Variants in ROBO2 observed in about 807,000 individuals in gnomAD.
The protein encoded by ROBO2 is roundabout guidance receptor 2.
Under a neutral mutation model 160.8 loss-of-function variants are expected in ROBO2, and 53 were observed. That is an observed-to-expected ratio of 0.33 (90% CI 0.26 to 0.41). The LOEUF (loss-of-function observed/expected upper bound fraction) is 0.41. Ranked by LOEUF, ROBO2 falls within the 10% of genes least tolerant of loss-of-function variation. The probability of loss-of-function intolerance (pLI) is 1.00; values close to 1 mark genes in which losing one functional copy is unlikely to be tolerated. For missense variants in ROBO2, 1,577 were observed against 1,722.4 expected (o/e 0.92, Z 1.49); for synonymous variants, 664 against 611.7 (o/e 1.09, Z -1.26).
intron 2 of ROBO2, among the ~76,000 whole-genome samples, chr3:77,291,220 A>T (rs1224515627): frequency 6.6e-6 from 1 of 151,846 alleles, no homozygotes; most frequent in Non-Finnish European, 1.5e-5. Flanking sequence ...AGCTGAGGCT[A>T]GAGCACTAAA....
intron 2 of ROBO2, among the ~76,000 whole-genome samples, chr3:77,389,515 A>G (rs1205978563): frequency 1.3e-5 from 2 of 152,156 alleles, no homozygotes; most frequent in Non-Finnish European, 2.9e-5. Flanking sequence ...TAACCAGGAA[A>G]GTCAGCAGTA....
intron 2 of ROBO2, among the ~76,000 whole-genome samples, chr3:76,750,288 G>C (rs1271471255): frequency 1.3e-5 from 2 of 151,962 alleles, no homozygotes; most frequent in Non-Finnish European, 2.9e-5. Context: ...GTATTGATGG[G>C]ACGTATCTCA....
intron 2 of ROBO2, among the ~76,000 whole-genome samples, chr3:76,262,205 C>A (rs575986064): frequency 6.6e-6 from 1 of 151,886 alleles, no homozygotes; most frequent in Admixed American, 6.6e-5. Flanking sequence ...AAGCTAAATC[C>A]AGAACATTTA....
intron 2 of ROBO2, among the ~76,000 whole-genome samples, chr3:76,631,084 C>G (rs2090001537): frequency 1.3e-5 from 2 of 152,014 alleles, no homozygotes; most frequent in Non-Finnish European, 2.9e-5. Context: ...ATCTAAACCT[C>G]TTTTATTTCC....
intron 2 of ROBO2, among the ~76,000 whole-genome samples, chr3:76,255,394 A>G (rs1160924541): frequency 1.3e-5 from 2 of 152,030 alleles, no homozygotes; most frequent in African/African-American, 2.4e-5. Context: ...TGAATCCCCC[A>G]TTGTCCATAA....
At chr3:76,873,589 G>A (rs1017924926) in intron 2 of ROBO2, among the ~76,000 whole-genome samples, 1 of 151,838 alleles carries the variant, frequency 6.6e-6, no homozygotes, top group African/African-American at 2.4e-5. Context: ...CGTCGTCGTC[G>A]TTGTCGTCGT....
intron 2 of ROBO2, among the ~76,000 whole-genome samples, chr3:77,463,039 T>C (rs2082401422): frequency 6.6e-6 from 1 of 152,188 alleles, no homozygotes; most frequent in African/African-American, 2.4e-5. Flanking sequence ...GGTTTTTGAG[T>C]TAGGTATGGT....
At chr3:76,251,977 G>C (rs1485127504) in intron 2 of ROBO2, among the ~76,000 whole-genome samples, 1 of 152,040 alleles carries the variant, frequency 6.6e-6, no homozygotes, top group African/African-American at 2.4e-5. Context: ...ATGATATGTT[G>C]TTGCTAATGA....
chr3:76,112,130 A>G (rs568690492), intron 2 of ROBO2, among the ~76,000 whole-genome samples: 14 of 152,220 alleles, frequency 9.2e-5, no homozygotes, highest in African/African-American at 3.4e-4. Flanking sequence ...TGCTTCCCTT[A>G]TTCATCACAG....
intron 1 of ROBO2, among the ~76,000 whole-genome samples, chr3:75,922,619 C>T (rs13073269): frequency 6.6e-6 from 1 of 151,762 alleles, no homozygotes; most frequent in African/African-American, 2.4e-5. Flanking sequence ...TATTAGATTC[C>T]CTATTGTTAA....
intron 2 of ROBO2, among the ~76,000 whole-genome samples, chr3:76,950,651 A>C (rs185681598): frequency 4.1e-4 from 62 of 152,268 alleles, no homozygotes; most frequent in African/African-American, 1.2e-3. Flanking sequence ...AAATGACAGG[A>C]TACGCAGCTG....
At chr3:76,616,291 C>T (rs2088576716) in intron 2 of ROBO2, among the ~76,000 whole-genome samples, 1 of 152,144 alleles carries the variant, frequency 6.6e-6, no homozygotes, top group Middle Eastern at 3.2e-3. Context: ...ATACCTAGAT[C>T]TTGGAAAATT....
chr3:76,738,980 A>G (rs979539476), intron 2 of ROBO2, among the ~76,000 whole-genome samples: 4 of 152,146 alleles, frequency 2.6e-5, no homozygotes, highest in Admixed American at 2.0e-4. Context: ...TGTGATTCAG[A>G]CGTTAAGTGG....
intron 2 of ROBO2, among the ~76,000 whole-genome samples, chr3:76,152,393 T>C (rs1445522342): frequency 6.6e-6 from 1 of 152,140 alleles, no homozygotes; most frequent in Non-Finnish European, 1.5e-5. Flanking sequence ...ATCAAAAGAT[T>C]GATGGAGTAT....
chr3:76,059,220 G>T (rs1280378299), intron 2 of ROBO2, among the ~76,000 whole-genome samples: 8 of 151,086 alleles, frequency 5.3e-5, no homozygotes, highest in Admixed American at 4.0e-4. Context: ...CTGAGGAATC[G>T]CCACACTGAC....
intron 4 of ROBO2, among the ~76,000 whole-genome samples, chr3:77,488,548 A>G (rs2085665666): frequency 6.6e-6 from 1 of 152,218 alleles, no homozygotes; most frequent in Admixed American, 6.5e-5. Flanking sequence ...TTAATTGTAC[A>G]GAGCTCTAAT....
intron 2 of ROBO2, chr3:76,435,497 T>C: frequency 3.0e-6 from 2 of 662,970 alleles, no homozygotes; most frequent in Non-Finnish European, 5.5e-6. Context: ...GATGGTTCTT[T>C]TCGCGATTTC....
intron 2 of ROBO2, among the ~76,000 whole-genome samples, chr3:77,260,204 C>T (rs2058688032): frequency 6.6e-6 from 1 of 151,886 alleles, no homozygotes; most frequent in South Asian, 2.1e-4. Flanking sequence ...TCTCAGCAGC[C>T]CATTTGTGAG....
intron 11 of ROBO2, among the ~76,000 whole-genome samples, chr3:77,563,574 A>C (rs2093396446): frequency 6.6e-6 from 1 of 152,116 alleles, no homozygotes; most frequent in South Asian, 2.1e-4. Flanking sequence ...TAACATAATC[A>C]CTTAGCTCCA....
Sources: gnomAD v4.1 joint callset for allele counts (sites outside exome capture counted in the v4.1 genomes callset) on GRCh38, gnomAD v4.1.1 for gene constraint, MANE v1.5 for transcripts, NCBI Gene and HGNC (gene_info 2026-07-23, HGNC 2026-07-21) for gene names.